COL13A1: variants seen among roughly 807,000 people sequenced by gnomAD.
COL13A1 encodes collagen alpha-1(XIII) chain.
In COL13A1, 89 loss-of-function variants were observed where a neutral mutation model predicts 130.9. The observed-to-expected ratio is 0.68, with a 90% CI of 0.57 to 0.81. The LOEUF is 0.81. Among genes scored for constraint, COL13A1 ranks in the 30% least tolerant of loss-of-function variants. The probability of loss-of-function intolerance (pLI) is 0.00; values close to 1 mark genes in which losing one functional copy is unlikely to be tolerated. For synonymous variants in COL13A1, 402 were observed against 341.6 expected (o/e 1.18, Z -1.95); for missense variants, 879 against 934.6 (o/e 0.94, Z 0.78).
chr10:69,818,134 A>G (rs1281544653), intron 1 of COL13A1, among the ~76,000 whole-genome samples: 1 of 152,062 alleles, frequency 6.6e-6, no homozygotes, highest in Non-Finnish European at 1.5e-5. Context: ...CAAACTCGCC[A>G]TCTTCCCACA....
intron 2 of COL13A1, among the ~76,000 whole-genome samples, chr10:69,853,452 C>T (rs72805140): frequency 0.097 from 14,735 of 152,250 alleles, 925 homozygotes; most frequent in Middle Eastern, 0.27. Flanking sequence ...TGCCCCTCTA[C>T]GATTGCCATA....
chr10:69,916,955 C>T (rs1451647995), intron 17 of COL13A1, among the ~76,000 whole-genome samples: 2 of 152,156 alleles, frequency 1.3e-5, no homozygotes, highest in African/African-American at 2.4e-5. Flanking sequence ...CCCCTGGTCC[C>T]GTCCCACAGC....
rs763346413 is a variant in COL13A1, at chr10:69,905,841, A to C, written c.921+19A>C. The C allele has an allele frequency of 6.2e-7, 1 of 1,613,254 alleles. No individual in the cohort carries two copies. The highest frequency in any genetic ancestry group is 8.5e-7 in the Non-Finnish European group (1 of 1,179,618). ...CCGGAAGGTAAGATGGAGGGGGAGG[A>C]CCCAAGTGGGGCAGGACTTTGGACA... On this transcript the variant is annotated intron_variant, in intron 17 of 40. Coordinates refer to ENST00000645393, the MANE Select transcript of COL13A1 (RefSeq NM_001368882.1).
chr10:69,860,694 C>A (rs1589129901), intron 2 of COL13A1: 1 of 267,278 alleles, frequency 3.7e-6, no homozygotes, highest in Non-Finnish European at 7.6e-6. Context: ...GCAGCCAGGT[C>A]CCCCATGCCC....
At position 69,805,926 on chromosome 10, in the gene COL13A1, A is replaced by G. The variant is rs144203305; in HGVS notation, c.294+3209A>G. On this transcript the variant is annotated intron_variant, in intron 1 of 40. Coordinates refer to ENST00000645393, the MANE Select transcript of COL13A1 (RefSeq NM_001368882.1). ...GGAGGTGCAGAAGGTCCCTGTCCTC[A>G]TGGGGCACACACAGGCATCTGGTGA... Among the ~76,000 whole-genome samples the G allele has an allele frequency of 9.1e-3, 1,394 of 152,370 alleles. 16 individuals carry two copies. Among genetic ancestry groups the G allele is most frequent in the African/African-American group, 0.031 (1,289 of 41,586 alleles).
rs986295995 is a variant in COL13A1 at position 69,929,009 on chromosome 10, A to T, written c.1485+10A>T. The T allele has an allele frequency of 1.9e-6, 3 of 1,611,412 alleles. No homozygotes were observed. Among genetic ancestry groups the T allele is most frequent in the South Asian group, 1.1e-5 (1 of 90,636 alleles). ...GATTCCAGGCCAGAAGGTAAATCTTATCTTGACAAAGGGGGTGAAGACTTT... is the reference window on the plus strand; with the variant it reads ...GATTCCAGGCCAGAAGGTAAATCTTTTCTTGACAAAGGGGGTGAAGACTTT... On this transcript the variant is annotated intron_variant, in intron 28 of 40. Transcript: ENST00000645393.
chr10:69,870,059 C>G (rs1476180277), intron 3 of COL13A1, among the ~76,000 whole-genome samples: 1 of 152,176 alleles, frequency 6.6e-6, no homozygotes, highest in Non-Finnish European at 1.5e-5. Flanking sequence ...GCTGTGTAAC[C>G]TTAGCAAGTC....
At chr10:69,849,417 G>T (rs117293280) in intron 2 of COL13A1, among the ~76,000 whole-genome samples, 1 of 152,228 alleles carries the variant, frequency 6.6e-6, no homozygotes, top group Non-Finnish European at 1.5e-5. Context: ...CCCATGGTCC[G>T]CAGTCACCAA....
chr10:69,926,010 C>G, intron 26 of COL13A1, 138 bp downstream of exon 26: 1 of 682,780 alleles, frequency 1.5e-6, no homozygotes, highest in Non-Finnish European at 2.5e-6. Flanking sequence ...AGGAGAGCTG[C>G]TTCCTCGCTT....
chr10:69,883,689 A>C (rs1356886905), intron 7 of COL13A1, among the ~76,000 whole-genome samples: 1 of 152,164 alleles, frequency 6.6e-6, no homozygotes, highest in African/African-American at 2.4e-5. Flanking sequence ...AGGGGATAAT[A>C]ACTGCAGTCA....
chr10:69,881,942 G>A (rs2060182773), intron 7 of COL13A1, among the ~76,000 whole-genome samples: 1 of 152,224 alleles, frequency 6.6e-6, no homozygotes, highest in South Asian at 2.1e-4. Flanking sequence ...TCTGGCTCCA[G>A]TCTGCTTCTG....
intron 1 of COL13A1, among the ~76,000 whole-genome samples, chr10:69,811,876 A>G (rs1008876884): frequency 1.3e-5 from 2 of 151,874 alleles, no homozygotes; most frequent in Non-Finnish European, 2.9e-5. Flanking sequence ...CCTCACCAGC[A>G]TCCCTTCATA....
In COL13A1 at chr10:69,802,258, T is replaced by A; in HGVS notation, c.-166T>A. 2 of 809,268 alleles carry A rather than the reference T, an allele frequency of 2.5e-6. No individual in the cohort carries two copies. Among genetic ancestry groups the A allele is most frequent in the Middle Eastern group, 7.8e-4 (2 of 2,554 alleles). The allele number at this position is 809,268 out of a possible 1,614,324, so 50.1% of individuals were successfully genotyped here. Reference sequence around the variant, plus strand: ...TGTGCTTTTTCGGCACTTCCTCTCCTACTGCTAATTTTTCCGTCCTCTTTG... The same window carrying A: ...TGTGCTTTTTCGGCACTTCCTCTCCAACTGCTAATTTTTCCGTCCTCTTTG... On this transcript the variant is annotated 5_prime_UTR_variant, in exon 1 of 41. Coordinates refer to ENST00000645393, the MANE Select transcript of COL13A1 (RefSeq NM_001368882.1).
At chr10:69,878,485 TTC>T (rs897548417) in intron 6 of COL13A1, among the ~76,000 whole-genome samples, 10 of 147,638 alleles carry the variant, frequency 6.8e-5, no homozygotes, top group Non-Finnish European at 1.5e-5. Flanking sequence ...AGAGCAACAC[TTC>T]TTTTTTTTTT....
intron 2 of COL13A1, among the ~76,000 whole-genome samples, chr10:69,851,443 C>A (rs1279495939): frequency 6.6e-6 from 1 of 152,192 alleles, no homozygotes; most frequent in African/African-American, 2.4e-5. Flanking sequence ...TGCTTCATTT[C>A]ATGTCCATTT....
At chr10:69,888,134 G>A (rs1464030970) in intron 8 of COL13A1, among the ~76,000 whole-genome samples, 170 bp from the exon 9 acceptor site, 1 of 152,232 alleles carries the variant, frequency 6.6e-6, no homozygotes, top group Non-Finnish European at 1.5e-5. Context: ...AGGATGGGAA[G>A]TTGAGGCCTA....
At chr10:69,912,129 C>T (rs2063447681) in intron 17 of COL13A1, among the ~76,000 whole-genome samples, 2 of 152,182 alleles carry the variant, frequency 1.3e-5, no homozygotes, top group African/African-American at 4.8e-5. Flanking sequence ...TAAAGCGACC[C>T]CAGCCCCCAC....
chr10:69,946,698 C>A (rs1023944290), intron 37 of COL13A1, among the ~76,000 whole-genome samples: 1 of 152,262 alleles, frequency 6.6e-6, no homozygotes, highest in Non-Finnish European at 1.5e-5. Flanking sequence ...TCAGAACTGA[C>A]CCCTCACCTG....
At chr10:69,907,603 C>CA in intron 17 of COL13A1, among the ~76,000 whole-genome samples, 1 of 152,092 alleles carries the variant, frequency 6.6e-6, no homozygotes, top group East Asian at 1.9e-4. Context: ...CAATAACTAA[C>CA]CCACTTCCAT....
Sources: gnomAD v4.1 joint callset for allele counts (sites outside exome capture counted in the v4.1 genomes callset) on GRCh38, gnomAD v4.1.1 for gene constraint, MANE v1.5 for transcripts, NCBI Gene and HGNC (gene_info 2026-07-23, HGNC 2026-07-21) for gene names.